Variants in WWP2 observed in about 807,000 individuals in gnomAD.
WWP2 encodes NEDD4-like E3 ubiquitin-protein ligase WWP2.
WWP2 carries 57 observed loss-of-function variants against 121.0 expected under a neutral mutation model. That is an observed-to-expected ratio of 0.47 (90% CI 0.38 to 0.59). The LOEUF (loss-of-function observed/expected upper bound fraction) is 0.59, where lower values mean the gene tolerates loss of function less well. Among genes scored for constraint, WWP2 ranks in the 20% least tolerant of loss-of-function variants. The pLI, the probability that WWP2 is intolerant of heterozygous loss-of-function variation, is 0.00. For synonymous variants in WWP2, 449 were observed against 441.3 expected (o/e 1.02, Z -0.22); for missense variants, 962 against 1,158.9 (o/e 0.83, Z 2.47).
chr16:69,932,475 G>T (rs79943852), intron 16 of WWP2, among the ~76,000 whole-genome samples: 2 of 152,238 alleles, frequency 1.3e-5, no homozygotes, highest in Non-Finnish European at 2.9e-5. Flanking sequence ...CTCCTGGGAG[G>T]GGCGAGAGCT....
intron 6 of WWP2, among the ~76,000 whole-genome samples, chr16:69,850,871 G>T (rs1051952177): frequency 6.6e-6 from 1 of 151,660 alleles, no homozygotes; most frequent in African/African-American, 2.4e-5. Flanking sequence ...GCACTTTTAG[G>T]TTCCCCCAAA....
intron 10 of WWP2, among the ~76,000 whole-genome samples, chr16:69,919,838 G>A (rs2058532863): frequency 6.6e-6 from 1 of 150,404 alleles, no homozygotes; most frequent in Non-Finnish European, 1.5e-5. Context: ...TGTCACCCAG[G>A]GTGGAGTGCA....
At chr16:69,889,611 T>G (rs1053478934) in intron 8 of WWP2, among the ~76,000 whole-genome samples, 2 of 152,170 alleles carry the variant, frequency 1.3e-5, no homozygotes, top group African/African-American at 4.8e-5. Flanking sequence ...GTGTTACACC[T>G]GGTAAGTGAT....
intron 4 of WWP2, among the ~76,000 whole-genome samples, chr16:69,802,626 G>A (rs1407490742): frequency 6.8e-6 from 1 of 147,482 alleles, no homozygotes; most frequent in East Asian, 1.9e-4. Context: ...TTTGAGACAG[G>A]GTCTCGCACT....
intron 5 of WWP2, 116 bp downstream of exon 5, chr16:69,840,379 C>T (rs2056955619): frequency 3.3e-5 from 47 of 1,422,446 alleles, no homozygotes; most frequent in Middle Eastern, 5.1e-4. Flanking sequence ...TCCCACTCAG[C>T]CTGGCCCATA....
chr16:69,917,832 G>C lies in WWP2; in HGVS notation c.1128G>C (p.Arg376=). 1 of 1,614,032 alleles carries C rather than the reference G, an allele frequency of 6.2e-7. No homozygotes were observed. Among genetic ancestry groups the C allele is most frequent in the Non-Finnish European group, 8.5e-7 (1 of 1,179,842 alleles). The change falls in exon 10 of 24, where the codon CGG becomes CGC. Residue 376 remains arginine (R), a synonymous_variant. Coordinates refer to ENST00000359154, the MANE Select transcript of WWP2 (RefSeq NM_001270454.2). ...ACTATGAGCAGTGGCAGTCGCAGCGGAATCAGCTCCAGGGGGCCATGCAGC... is the reference window on the plus strand; with the variant it reads ...ACTATGAGCAGTGGCAGTCGCAGCGCAATCAGCTCCAGGGGGCCATGCAGC... ...VRNYEQWQSQ[R]NQLQGAMQHF...
At chr16:69,843,881 A>C (rs1427713611) in intron 6 of WWP2, among the ~76,000 whole-genome samples, 1 of 152,064 alleles carries the variant, frequency 6.6e-6, no homozygotes, top group Admixed American at 6.6e-5. Context: ...AAACAAAAAA[A>C]CTTCCCAAAC....
At chr16:69,871,773 T>C in intron 6 of WWP2, 31 bp from the exon 7 acceptor site, 12 of 1,613,318 alleles carry the variant, frequency 7.4e-6, no homozygotes, top group Non-Finnish European at 1.0e-5. Context: ...CAGTGACTTA[T>C]GTCTGTCTGC....
intron 1 of WWP2, among the ~76,000 whole-genome samples, chr16:69,766,375 A>G (rs2038731046): frequency 6.6e-6 from 1 of 152,146 alleles, no homozygotes; most frequent in African/African-American, 2.4e-5. Context: ...TTCTCCACAC[A>G]GGACCCAGGG....
At chr16:69,906,743 C>T (rs923230647) in intron 8 of WWP2, among the ~76,000 whole-genome samples, 2 of 151,972 alleles carry the variant, frequency 1.3e-5, no homozygotes, top group East Asian at 1.9e-4. Flanking sequence ...AGCTGGGCCT[C>T]GTGGCATGCA....
intron 4 of WWP2, among the ~76,000 whole-genome samples, chr16:69,807,256 A>G (rs2056298167): frequency 6.6e-6 from 1 of 151,824 alleles, no homozygotes; most frequent in Non-Finnish European, 1.5e-5. Flanking sequence ...GCTAATCTTG[A>G]ACTCCTGACC....
At chr16:69,844,984 C>T (rs1030583084) in intron 6 of WWP2, among the ~76,000 whole-genome samples, 2 of 152,222 alleles carry the variant, frequency 1.3e-5, no homozygotes, top group African/African-American at 4.8e-5. Flanking sequence ...GGTCACTGTG[C>T]ACACATGCTT....
At chr16:69,903,909 G>A (rs1039635635) in intron 8 of WWP2, among the ~76,000 whole-genome samples, 6 of 152,146 alleles carry the variant, frequency 3.9e-5, no homozygotes, top group African/African-American at 4.8e-5. Context: ...AAAAATGAGC[G>A]TACTAGTATT....
intron 1 of WWP2, among the ~76,000 whole-genome samples, chr16:69,781,105 C>T (rs553541188): frequency 6.6e-6 from 1 of 151,968 alleles, no homozygotes; most frequent in East Asian, 1.9e-4. Context: ...GTATACAACC[C>T]CTGAATGCTA....
intron 7 of WWP2, among the ~76,000 whole-genome samples, chr16:69,882,832 C>T (rs1429644627): frequency 1.3e-5 from 2 of 152,162 alleles, no homozygotes; most frequent in Non-Finnish European, 2.9e-5. Flanking sequence ...AGTTAGAGAA[C>T]ATTGGCTATA....
chr16:69,934,263 A>G, intron 17 of WWP2, 134 bp downstream of exon 17: 1 of 1,202,054 alleles, frequency 8.3e-7, no homozygotes, highest in South Asian at 1.5e-5. Flanking sequence ...GCATTGGAGG[A>G]GGCCCTGGGC....
intron 6 of WWP2, among the ~76,000 whole-genome samples, chr16:69,869,844 C>T (rs1463143195): frequency 6.6e-6 from 1 of 152,194 alleles, no homozygotes. Context: ...TCATATCCCT[C>T]AAGGAGCTTC....
chr16:69,874,173 T>A (rs2057693988), intron 7 of WWP2, among the ~76,000 whole-genome samples: 1 of 152,244 alleles, frequency 6.6e-6, no homozygotes, highest in Non-Finnish European at 1.5e-5. Flanking sequence ...CCCTTTCTGC[T>A]GTGATGGTGG....
intron 10 of WWP2, chr16:69,924,945 G>A (rs1033046026): frequency 2.0e-6 from 2 of 987,362 alleles, no homozygotes; most frequent in African/African-American, 3.5e-5. Flanking sequence ...GGCGTGGGCA[G>A]GGCTTGTGGG....
Sources: allele counts gnomAD v4.1 joint callset (sites outside exome capture counted in the v4.1 genomes callset), GRCh38; gene constraint gnomAD v4.1.1; transcripts MANE v1.5; gene names NCBI Gene and HGNC (gene_info 2026-07-23, HGNC 2026-07-21).